HPSE2: variants seen among roughly 807,000 people sequenced by gnomAD.
HPSE2 encodes the protein inactive heparanase-2.
A neutral mutation model predicts 60.5 loss-of-function variants in HPSE2; 38 were observed. That is an observed-to-expected ratio of 0.63 (90% CI 0.48 to 0.82). HPSE2 has a LOEUF of 0.82. HPSE2 is among the 40% of genes least tolerant of loss of function. The pLI, the probability that HPSE2 is intolerant of heterozygous loss-of-function variation, is 0.00. For synonymous variants in HPSE2, 295 were observed against 293.2 expected (o/e 1.01, Z -0.06); for missense variants, 713 against 740.4 (o/e 0.96, Z 0.43).
At chr10:99,032,393 T>C (rs748857578) in intron 3 of HPSE2, among the ~76,000 whole-genome samples, 5 of 152,152 alleles carry the variant, frequency 3.3e-5, no homozygotes, top group Non-Finnish European at 5.9e-5. Context: ...TAAAAATCAA[T>C]AATCTTCAAC....
chr10:99,301,659 G>A, the HPSE2 span, among the ~76,000 whole-genome samples: 1 of 152,140 alleles, frequency 6.6e-6, no homozygotes, highest in Admixed American at 6.5e-5. Flanking sequence ...CAGACCAGTG[G>A]CTTACTGTTC....
chr10:98,889,023 C>A (rs1953254225), intron 3 of HPSE2, among the ~76,000 whole-genome samples: 1 of 152,008 alleles, frequency 6.6e-6, no homozygotes. Flanking sequence ...AGACCCCAAT[C>A]TATTAAAAAA....
At chr10:98,854,483 A>G (rs1357929902) in intron 3 of HPSE2, among the ~76,000 whole-genome samples, 1 of 152,246 alleles carries the variant, frequency 6.6e-6, no homozygotes, top group Non-Finnish European at 1.5e-5. Context: ...AGGAAATCAA[A>G]TGACACACTA....
intron 6 of HPSE2, among the ~76,000 whole-genome samples, chr10:98,664,232 C>T (rs1947299750): frequency 1.3e-5 from 2 of 152,116 alleles, no homozygotes; most frequent in African/African-American, 4.8e-5. Context: ...GTGGGCACAA[C>T]TGTGTTACCC....
intron 3 of HPSE2, among the ~76,000 whole-genome samples, chr10:99,141,184 A>G (rs1235558503): frequency 1.3e-5 from 2 of 152,112 alleles, no homozygotes; most frequent in Admixed American, 6.5e-5. Flanking sequence ...CTCCTACCCA[A>G]TTCTCCCTCT....
intron 3 of HPSE2, among the ~76,000 whole-genome samples, chr10:98,862,547 A>G (rs1952482951): frequency 1.3e-5 from 2 of 152,200 alleles, no homozygotes; most frequent in Non-Finnish European, 2.9e-5. Flanking sequence ...TTATCAGATT[A>G]CTAATTTAGA....
chr10:99,253,026 G>A, the HPSE2 span, among the ~76,000 whole-genome samples: 1 of 151,978 alleles, frequency 6.6e-6, no homozygotes, highest in African/African-American at 2.4e-5. Flanking sequence ...TGGATTGGAA[G>A]AATCAATATT....
intron 3 of HPSE2, among the ~76,000 whole-genome samples, chr10:98,964,579 T>C (rs951945427): frequency 2.6e-5 from 4 of 152,120 alleles, no homozygotes; most frequent in African/African-American, 9.7e-5. Context: ...ATATTTCAAG[T>C]ACCTCCTCCC....
At chr10:99,246,119 G>T in the HPSE2 span, among the ~76,000 whole-genome samples, 2 of 152,186 alleles carry the variant, frequency 1.3e-5, no homozygotes, top group African/African-American at 4.8e-5. Flanking sequence ...ATGCATTAGA[G>T]TTGATGCCTA....
At chr10:98,588,294 T>G (rs964255630) in intron 9 of HPSE2, among the ~76,000 whole-genome samples, 1 of 152,088 alleles carries the variant, frequency 6.6e-6, no homozygotes, top group Non-Finnish European at 1.5e-5. Context: ...GGACATTGCC[T>G]GCATCACAGA....
At chr10:98,499,317 T>C (rs1381570696) in intron 9 of HPSE2, among the ~76,000 whole-genome samples, 1 of 152,168 alleles carries the variant, frequency 6.6e-6, no homozygotes, top group Non-Finnish European at 1.5e-5. Context: ...GCAGAAACCC[T>C]ACAAGCTAGA....
upstream of HPSE2, among the ~76,000 whole-genome samples, chr10:99,237,054 G>A (rs764221341): frequency 5.9e-5 from 9 of 152,132 alleles, no homozygotes; most frequent in Non-Finnish European, 1.2e-4. Context: ...AAGCCGCTGT[G>A]ATGCACGACC....
At chr10:98,638,532 G>A (rs1049850043) in intron 7 of HPSE2, among the ~76,000 whole-genome samples, 2 of 152,216 alleles carry the variant, frequency 1.3e-5, no homozygotes, top group African/African-American at 4.8e-5. Context: ...CATTTGGCTA[G>A]TGGGCCCTAG....
chr10:99,041,946 A>G (rs1265691365), intron 3 of HPSE2, among the ~76,000 whole-genome samples: 3 of 152,200 alleles, frequency 2.0e-5, no homozygotes, highest in African/African-American at 7.2e-5. Context: ...AGTTTTCCAT[A>G]TGGTTCACTG....
chr10:99,235,731 C>G lies in HPSE2; in HGVS notation c.72G>C (p.Pro24=). 1 of 1,613,816 alleles carries G rather than the reference C, an allele frequency of 6.2e-7. No homozygotes were observed. Among genetic ancestry groups the G allele is most frequent in the East Asian group, 2.2e-5 (1 of 44,818 alleles). ...GCAACAGAGCCAAGTAGAGAGCCCC[C>G]GGGGCTAGGCACGCGGGGGGGCGGG... is the stretch of plus-strand genomic sequence containing the variant. ...SNSRPPACLA[P]GALYLALLLH... Residue 24 remains proline, a synonymous_variant, in exon 1 of 12, where the codon CCG becomes CCC. Transcript: ENST00000370552.
At position 98,516,019 on chromosome 10, in the gene HPSE2, C is replaced by T. The variant is rs185584424; in HGVS notation, c.1321-25823G>A. Among the ~76,000 whole-genome samples, 403 of 152,328 alleles carry T rather than the reference C, an allele frequency of 2.6e-3. 1 individual carries two copies. Among genetic ancestry groups the T allele is most frequent in the African/African-American group, 9.2e-3 (383 of 41,568 alleles). On this transcript the variant is annotated intron_variant, in intron 9 of 11. Transcript: ENST00000370552. ...CTGTGGATTCCTGCAGTTCTCCCTG[C>T]TGATCTCCATCCCTTACAGCACGGT...
In HPSE2 at chr10:99,172,631, GC is replaced by G. The variant is rs548702588; in HGVS notation, c.449-28233del. 4.7e-4 allele frequency among the ~76,000 whole-genome samples: 71 copies of G among 152,226 alleles called. 1 individual carries two copies. The highest frequency in any genetic ancestry group is 3.4e-3 in the Middle Eastern group (1 of 294). On this transcript the variant is annotated intron_variant, in intron 2 of 11. Coordinates refer to ENST00000370552, the MANE Select transcript of HPSE2 (RefSeq NM_021828.5). Reference sequence around the variant, plus strand: ...TATAATCTGTATAAATTAAGAAAGGGCTTTGGGAGGCCAGGGTGGGGGGATC... The same window carrying G: ...TATAATCTGTATAAATTAAGAAAGGGTTTGGGAGGCCAGGGTGGGGGGATC...
intron 3 of HPSE2, among the ~76,000 whole-genome samples, chr10:99,115,434 G>C (rs887139689): frequency 6.6e-6 from 1 of 151,972 alleles, no homozygotes; most frequent in East Asian, 1.9e-4. Context: ...GATTACAGGT[G>C]TGAGCCACCA....
intron 9 of HPSE2, among the ~76,000 whole-genome samples, chr10:98,536,564 A>T (rs1943289223): frequency 6.6e-6 from 1 of 152,230 alleles, no homozygotes; most frequent in African/African-American, 2.4e-5. Flanking sequence ...CAGGAAGTGT[A>T]GTCATGTTTG....
Sources: gnomAD v4.1 joint callset for allele counts (sites outside exome capture counted in the v4.1 genomes callset) on GRCh38, gnomAD v4.1.1 for gene constraint, MANE v1.5 for transcripts, NCBI Gene and HGNC (gene_info 2026-07-23, HGNC 2026-07-21) for gene names.